SIPA1L1: variants seen among roughly 807,000 people sequenced by gnomAD.
SIPA1L1 encodes signal-induced proliferation-associated 1-like protein 1.
SIPA1L1 carries 26 observed loss-of-function variants against 162.7 expected under a neutral mutation model. The observed-to-expected ratio is 0.16, with a 90% confidence interval of 0.12 to 0.22. The LOEUF is 0.22. Among genes scored for constraint, SIPA1L1 ranks in the 10% least tolerant of loss-of-function variants. The pLI, the probability that SIPA1L1 is intolerant of heterozygous loss-of-function variation, is 1.00. For synonymous variants in SIPA1L1, 829 were observed against 837.4 expected, an observed-to-expected ratio of 0.99 and a Z score of 0.17; for missense variants, 1,874 against 2,241.0, an observed-to-expected ratio of 0.84 and a Z score of 3.31.
intron 19 of SIPA1L1, 107 bp from the exon 20 acceptor site, chr14:71,729,948 G>A (rs2084607258): frequency 8.3e-7 from 1 of 1,205,068 alleles, no homozygotes; most frequent in Non-Finnish European, 1.2e-6. Flanking sequence ...TTCCTTGCTA[G>A]GGGTGTGTCT....
At chr14:71,616,722 A>G (rs2038883600) in intron 5 of SIPA1L1, among the ~76,000 whole-genome samples, 1 of 152,140 alleles carries the variant, frequency 6.6e-6, no homozygotes, top group African/African-American at 2.4e-5. Context: ...GTCATTTGCC[A>G]AAATTGAGGA....
chr14:71,560,326 T>C (rs1191377872), intron 4 of SIPA1L1, among the ~76,000 whole-genome samples: 1 of 152,188 alleles, frequency 6.6e-6, no homozygotes, highest in Non-Finnish European at 1.5e-5. Flanking sequence ...CTGTTACACA[T>C]GTTCAGTGAT....
intron 2 of SIPA1L1, among the ~76,000 whole-genome samples, chr14:71,499,933 C>A (rs1595780877): frequency 6.6e-6 from 1 of 152,166 alleles, no homozygotes; most frequent in South Asian, 2.1e-4. Context: ...AACCATTTTT[C>A]ACTAAAATAA....
At chr14:71,336,875 T>C (rs2035150378) in intron 2 of SIPA1L1, among the ~76,000 whole-genome samples, 2 of 152,226 alleles carry the variant, frequency 1.3e-5, no homozygotes, top group Admixed American at 1.3e-4. Context: ...GCTTTATCAT[T>C]TTTTTCCCTT....
At chr14:71,714,390 C>G (rs1200790306) in intron 17 of SIPA1L1, among the ~76,000 whole-genome samples, 2 of 152,156 alleles carry the variant, frequency 1.3e-5, no homozygotes, top group African/African-American at 4.8e-5. Context: ...GCAACTAATC[C>G]ATTCATTCAG....
At chr14:71,496,815 T>G (rs573691397) in intron 2 of SIPA1L1, among the ~76,000 whole-genome samples, 175 of 152,362 alleles carry the variant, frequency 1.1e-3, no homozygotes, top group African/African-American at 4.0e-3. Context: ...CTTTTATCAT[T>G]ATAAATTGTC....
At chr14:71,451,909 A>T (rs2141570036) in intron 2 of SIPA1L1, among the ~76,000 whole-genome samples, 1 of 152,330 alleles carries the variant, frequency 6.6e-6, no homozygotes, top group South Asian at 2.1e-4. Flanking sequence ...ATATAAGACA[A>T]AAATGCATGG....
At chr14:71,627,573 T>C (rs1445541123) in intron 7 of SIPA1L1, among the ~76,000 whole-genome samples, 2 of 152,166 alleles carry the variant, frequency 1.3e-5, no homozygotes. Context: ...GTGTTCTTAC[T>C]GTCAGGCACC....
At chr14:71,574,797 A>T (rs1345824485) in intron 4 of SIPA1L1, 3 of 152,160 alleles carry the variant, frequency 2.0e-5, no homozygotes, top group Non-Finnish European at 2.9e-5. Context: ...AGTTAATAAG[A>T]GTTTAAATGA....
chr14:71,571,735 G>A (rs867825540), intron 4 of SIPA1L1, among the ~76,000 whole-genome samples: 24 of 151,918 alleles, frequency 1.6e-4, no homozygotes, highest in East Asian at 1.9e-4. Context: ...TCCGCCTCCC[G>A]GGTTCACACC....
chr14:71,723,532 G>A (rs375106006), intron 17 of SIPA1L1, 115 bp from the exon 18 acceptor site: 8 of 1,188,082 alleles, frequency 6.7e-6, no homozygotes, highest in African/African-American at 6.1e-5. Context: ...GCTGTTAATA[G>A]TTCATGAAAA....
At chr14:71,644,379 C>T (rs1299849469) in intron 7 of SIPA1L1, among the ~76,000 whole-genome samples, 1 of 152,170 alleles carries the variant, frequency 6.6e-6, no homozygotes, top group Non-Finnish European at 1.5e-5. Context: ...CCTGGGACTG[C>T]AAGCCCATGC....
At chr14:71,476,054 C>T (rs1161566191) in intron 2 of SIPA1L1, among the ~76,000 whole-genome samples, 2 of 152,312 alleles carry the variant, frequency 1.3e-5, no homozygotes, top group African/African-American at 4.8e-5. Flanking sequence ...GTTGTAGAGG[C>T]ACCGCAGTTG....
intron 2 of SIPA1L1, among the ~76,000 whole-genome samples, chr14:71,444,139 G>T (rs947147016): frequency 2.6e-5 from 4 of 152,204 alleles, no homozygotes; most frequent in African/African-American, 9.7e-5. Context: ...GATGTTCCAT[G>T]TCTTATGTTC....
Position 71,502,242 on chromosome 14 carries a change from G to GAA in SIPA1L1, c.-464-10488_-464-10487dup, listed in dbSNP as rs139102210. Among the ~76,000 whole-genome samples the GAA allele has an allele frequency of 8.5e-3, 919 of 108,316 alleles. 6 individuals carry two copies. The highest frequency in any genetic ancestry group is 0.012 in the African/African-American group (310 of 26,866). The allele number at this position is 108,316 out of a possible 152,430, so 71.1% of individuals were successfully genotyped here. ...TATCATGAGAGCCTTTGAGATACTTGAAAAAAAAAAAAAATATATATATAT... is the reference window on the plus strand; with the variant it reads ...TATCATGAGAGCCTTTGAGATACTTGAAAAAAAAAAAAAAAATATATATATAT... On this transcript the variant is annotated intron_variant, in intron 2 of 23. Coordinates refer to ENST00000381232, the MANE Select transcript of SIPA1L1 (RefSeq NM_001386936.1).
chr14:71,507,212 A>G (rs2050748058), intron 2 of SIPA1L1, among the ~76,000 whole-genome samples: 1 of 152,214 alleles, frequency 6.6e-6, no homozygotes, highest in Admixed American at 6.5e-5. Context: ...CATTTTTGTT[A>G]ATATGACAGC....
chr14:71,662,963 A>C (rs1305537992), intron 10 of SIPA1L1, among the ~76,000 whole-genome samples: 2 of 152,366 alleles, frequency 1.3e-5, no homozygotes, highest in African/African-American at 4.8e-5. Context: ...GTAGAAAGTT[A>C]AGCCCATTTT....
intron 13 of SIPA1L1, among the ~76,000 whole-genome samples, chr14:71,690,639 C>T (rs1271359605): frequency 2.0e-5 from 3 of 152,166 alleles, no homozygotes; most frequent in African/African-American, 7.2e-5. Context: ...ATTACATTTC[C>T]TTGTCTTCCA....
intron 2 of SIPA1L1, among the ~76,000 whole-genome samples, chr14:71,338,047 C>T (rs759588030): frequency 1.3e-5 from 2 of 152,196 alleles, no homozygotes; most frequent in Non-Finnish European, 2.9e-5. Flanking sequence ...AGTATCTTGT[C>T]TCCCTTTTCC....
Sources: allele counts gnomAD v4.1 joint callset (sites outside exome capture counted in the v4.1 genomes callset), GRCh38; gene constraint gnomAD v4.1.1; transcripts MANE v1.5; gene names NCBI Gene and HGNC (gene_info 2026-07-23, HGNC 2026-07-21).